Variants in PRKACB observed in about 807,000 individuals in gnomAD.
PRKACB encodes protein kinase cAMP-activated catalytic subunit beta, also known as cAMP-dependent protein kinase catalytic subunit beta.
In PRKACB, 16 loss-of-function variants were observed where a neutral mutation model predicts 51.4. The observed-to-expected ratio is 0.31, with a 90% CI of 0.21 to 0.47. PRKACB has a LOEUF of 0.47. Ranked by LOEUF, PRKACB falls within the 20% of genes least tolerant of loss-of-function variation. The pLI is 1.00. For synonymous variants in PRKACB, 147 were observed against 154.4 expected, an observed-to-expected ratio of 0.95 and a Z score of 0.35; for missense variants, 309 against 464.5, an observed-to-expected ratio of 0.67 and a Z score of 3.08.
intron 5 of PRKACB, among the ~76,000 whole-genome samples, chr1:84,194,543 A>G (rs1235532127): frequency 6.6e-6 from 1 of 152,192 alleles, no homozygotes; most frequent in Non-Finnish European, 1.5e-5. Flanking sequence ...AGCCCTTACC[A>G]TTGTCTTCCT....
chr1:84,155,764 A>G (rs965171249), intron 1 of PRKACB, among the ~76,000 whole-genome samples: 1 of 152,192 alleles, frequency 6.6e-6, no homozygotes, highest in Non-Finnish European at 1.5e-5. Flanking sequence ...GTGTTTCATT[A>G]TTGTTATTTA....
chr1:84,173,200 T>C (rs537962541), intron 1 of PRKACB: 1 of 569,976 alleles, frequency 1.8e-6, no homozygotes, highest in Non-Finnish European at 2.9e-6. Flanking sequence ...ATTTTTGGTA[T>C]GTATGTTCAA....
rs1036141005 is a variant in PRKACB at position 84,236,014 on chromosome 1, A to C, written c.*709A>C. On this transcript the variant is annotated 3_prime_UTR_variant, in exon 10 of 10. Transcript: ENST00000370685. ...GAGTAATGAAGTGACCAGCCTGTGTAGTGTGACAAACGTGTCTCATTCAGC... is the reference window on the plus strand; with the variant it reads ...GAGTAATGAAGTGACCAGCCTGTGTCGTGTGACAAACGTGTCTCATTCAGC... 1.3e-5 allele frequency: 2 copies of C among 152,628 alleles called. No homozygotes were observed. Among genetic ancestry groups the C allele is most frequent in the African/African-American group, 4.8e-5 (2 of 41,450 alleles). The allele number at this position is 152,628 out of a possible 1,614,324, so 9.5% of individuals were successfully genotyped here. A position where few individuals can be genotyped will look rare whatever the true frequency, so the allele number is the denominator to read the frequency against.
intron 5 of PRKACB, among the ~76,000 whole-genome samples, chr1:84,193,197 G>A (rs140505768): frequency 9.9e-5 from 15 of 152,098 alleles, no homozygotes; most frequent in Non-Finnish European, 2.1e-4. Flanking sequence ...AAATAAAACA[G>A]AACTCAACCA....
chr1:84,109,904 CTTAT>C (rs946883554), intron 1 of PRKACB, among the ~76,000 whole-genome samples: 9 of 151,690 alleles, frequency 5.9e-5, no homozygotes, highest in South Asian at 2.1e-4. Flanking sequence ...ATAAACTTTC[CTTAT>C]TTGTCTTTCA....
chr1:84,144,155 C>T, upstream of PRKACB: 1 of 1,020,134 alleles, frequency 9.8e-7, no homozygotes, highest in South Asian at 2.3e-5. Context: ...TTTTAAAATC[C>T]TCAACTCTAG....
intron 2 of PRKACB, among the ~76,000 whole-genome samples, chr1:84,179,691 A>C (rs1480146113): frequency 6.6e-6 from 1 of 151,998 alleles, no homozygotes; most frequent in Admixed American, 6.6e-5. Context: ...ATATAATTAA[A>C]GTATTTTAGA....
At chr1:84,224,090 G>T (rs1218427056) in intron 9 of PRKACB, among the ~76,000 whole-genome samples, 1 of 152,110 alleles carries the variant, frequency 6.6e-6, no homozygotes, top group East Asian at 1.9e-4. Context: ...GCTGTAATTA[G>T]CCTCAGTGGG....
upstream of PRKACB, among the ~76,000 whole-genome samples, chr1:84,142,690 A>G (rs1653538328): frequency 6.6e-6 from 1 of 152,248 alleles, no homozygotes; most frequent in Non-Finnish European, 1.5e-5. Context: ...CACACATAAT[A>G]TTTATACATA....
At chr1:84,198,825 G>C (rs567541245) in intron 7 of PRKACB, among the ~76,000 whole-genome samples, 1 of 148,830 alleles carries the variant, frequency 6.7e-6, no homozygotes, top group African/African-American at 2.5e-5. Flanking sequence ...ATTCATATAT[G>C]TATGTACATA....
At chr1:84,215,592 A>G (rs549555076) in intron 9 of PRKACB, among the ~76,000 whole-genome samples, 1 of 152,338 alleles carries the variant, frequency 6.6e-6, no homozygotes, top group East Asian at 1.9e-4. Flanking sequence ...TTATACCACC[A>G]TAATAAAATA....
chr1:84,078,498 C>G, intron 1 of PRKACB: 2 of 1,100,378 alleles, frequency 1.8e-6, no homozygotes, highest in Non-Finnish European at 2.6e-6. Context: ...GGGAGTCGTT[C>G]TGGGGGGCCG....
At chr1:84,081,217 A>G (rs1452169513) in intron 1 of PRKACB, among the ~76,000 whole-genome samples, 1 of 152,172 alleles carries the variant, frequency 6.6e-6, no homozygotes, top group Non-Finnish European at 1.5e-5. Context: ...CATAAAGATA[A>G]TTTAGAAGGG....
chr1:84,146,958 A>T (rs967452783), intron 1 of PRKACB, among the ~76,000 whole-genome samples: 13 of 152,060 alleles, frequency 8.5e-5, no homozygotes, highest in African/African-American at 2.9e-4. Flanking sequence ...AAAGAAAAGC[A>T]TGGAGGAATT....
At chr1:84,111,335 TTC>T (rs1248409654) in intron 1 of PRKACB, among the ~76,000 whole-genome samples, 2 of 152,124 alleles carry the variant, frequency 1.3e-5, no homozygotes, top group Admixed American at 6.5e-5. Context: ...AAATGAGTCT[TTC>T]TGTACTGCTA....
intron 1 of PRKACB, among the ~76,000 whole-genome samples, chr1:84,086,631 AAAG>A (rs1223263794): frequency 6.6e-6 from 1 of 152,200 alleles, no homozygotes; most frequent in African/African-American, 2.4e-5. Flanking sequence ...GAAAAAGAAA[AAAG>A]AAGCCCAAAC....
rs12752568 is a variant in PRKACB at position 84,147,773 on chromosome 1, C to T, written c.187+3225C>T. 9.7e-3 allele frequency among the ~76,000 whole-genome samples: 1,468 copies of T among 151,928 alleles called. 13 individuals carry two copies. The highest frequency in any genetic ancestry group is 0.015 in the Non-Finnish European group (1,051 of 67,900). ...AAGGTTATTTTAAGAAAATAACATA[C>T]ACAAGTATTTGAAAATATGAACATT... On this transcript the variant is annotated intron_variant, in intron 1 of 9. Coordinates refer to ENST00000370685, the MANE Select transcript of PRKACB (RefSeq NM_182948.4).
At chr1:84,137,739 A>C (rs1359062684) in intron 1 of PRKACB, among the ~76,000 whole-genome samples, 3 of 152,200 alleles carry the variant, frequency 2.0e-5, no homozygotes, top group Non-Finnish European at 2.9e-5. Flanking sequence ...TAACCTACCT[A>C]CCAGGTTAAC....
intron 1 of PRKACB, among the ~76,000 whole-genome samples, chr1:84,171,084 A>G (rs1659313732): frequency 6.6e-6 from 1 of 151,678 alleles, no homozygotes; most frequent in Admixed American, 6.6e-5. Flanking sequence ...AAATGTATAC[A>G]TTTGGAGATT....
Sources: gnomAD v4.1 joint callset for allele counts (sites outside exome capture counted in the v4.1 genomes callset) on GRCh38, gnomAD v4.1.1 for gene constraint, MANE v1.5 for transcripts, NCBI Gene and HGNC (gene_info 2026-07-23, HGNC 2026-07-21) for gene names.